Variants in TRIM33 observed in about 807,000 individuals in gnomAD.
TRIM33 encodes E3 ubiquitin-protein ligase TRIM33.
Under a neutral mutation model 125.4 loss-of-function variants are expected in TRIM33, and 20 were observed. The observed-to-expected ratio is 0.16, with a 90% CI of 0.11 to 0.23. The LOEUF is 0.23. Ranked by LOEUF, TRIM33 falls within the 10% of genes least tolerant of loss-of-function variation. TRIM33 has a pLI of 1.00. For missense variants in TRIM33, 920 were observed against 1,411.4 expected (o/e 0.65, Z 5.58); for synonymous variants, 564 against 513.9 (o/e 1.10, Z -1.32).
chr1:114,461,865 T>G (rs940768387), intron 4 of TRIM33, among the ~76,000 whole-genome samples: 1 of 152,186 alleles, frequency 6.6e-6, no homozygotes, highest in Non-Finnish European at 1.5e-5. Context: ...TTAAGACATT[T>G]CTGAACAAAT....
Position 114,484,766 on chromosome 1 carries a change from G to A in TRIM33, c.527-20378C>T, listed in dbSNP as rs529645849. The stretch of plus-strand genomic sequence containing the variant: ...AGTAGTCCCAGTTACTCAGGAGGCT[G>A]AGGCAGGACAATTGCTTGATCCCAG... On this transcript the variant is annotated intron_variant, in intron 1 of 19. Coordinates refer to ENST00000358465, the MANE Select transcript of TRIM33 (RefSeq NM_015906.4). 1.7e-3 allele frequency among the ~76,000 whole-genome samples: 252 copies of A among 152,306 alleles called. 1 individual carries two copies. The highest frequency in any genetic ancestry group is 7.5e-3 in the South Asian group (36 of 4,828).
chr1:114,480,732 G>C (rs1328563830), intron 1 of TRIM33, among the ~76,000 whole-genome samples: 5 of 152,044 alleles, frequency 3.3e-5, no homozygotes, highest in South Asian at 2.1e-4. Context: ...ATGAAAAGAA[G>C]AGATTGTCAA....
At chr1:114,398,931 C>CAAAAA (rs1243055112) in intron 18 of TRIM33, among the ~76,000 whole-genome samples, 7 of 139,494 alleles carry the variant, frequency 5.0e-5, no homozygotes, top group African/African-American at 7.9e-5. Flanking sequence ...CAAAACAAAA[C>CAAAAA]AAAAAACAAA....
chr1:114,421,568 C>G lies in TRIM33; in HGVS notation c.1929G>C (p.Thr643=). The G allele has an allele frequency of 6.2e-7, 1 of 1,613,954 alleles. No individual in the cohort carries two copies. Among genetic ancestry groups the G allele is most frequent in the Non-Finnish European group, 8.5e-7 (1 of 1,180,002 alleles). ...TTGCCATAGTTGCTGTAGTAGGGCT[C>G]GTTGGGTTGATTGTGGTGTTGTGTA... ...VSVHNTTINP[T]SPTTATMANA... Residue 643 remains threonine (T), a synonymous_variant, in exon 11 of 20, where the codon ACG becomes ACC. Coordinates refer to ENST00000358465, the MANE Select transcript of TRIM33 (RefSeq NM_015906.4).
chr1:114,462,888 T>C (rs1460035643), intron 4 of TRIM33, among the ~76,000 whole-genome samples: 3 of 152,218 alleles, frequency 2.0e-5, no homozygotes, highest in African/African-American at 4.8e-5. Context: ...TACAAAATGA[T>C]ACATTTTAAC....
At chr1:114,398,898 CAAAA>C (rs372853872) in intron 18 of TRIM33, among the ~76,000 whole-genome samples, 2 of 60,802 alleles carry the variant, frequency 3.3e-5, no homozygotes, top group Non-Finnish European at 6.4e-5. Flanking sequence ...AACTTACCCT[CAAAA>C]AAAAAAAAAA....
Position 114,427,740 on chromosome 1 carries a change from T to C in TRIM33, c.1302+8A>G, listed in dbSNP as rs773617844. ...ATTAAAGAAAAATAAAAACAGTATG[T>C]GTCTCACCAGTCGCTTGCTGTATAG... On this transcript the variant is annotated splice_region_variant and intron_variant, in intron 7 of 19. Coordinates refer to ENST00000358465, the MANE Select transcript of TRIM33 (RefSeq NM_015906.4). 6.2e-7 allele frequency: 1 copy of C among 1,612,496 alleles called. No individual in the cohort carries two copies. The highest frequency in any genetic ancestry group is 8.5e-7 in the Non-Finnish European group (1 of 1,179,060).
intron 16 of TRIM33, among the ~76,000 whole-genome samples, chr1:114,402,434 G>T (rs1651955338): frequency 6.6e-6 from 1 of 152,116 alleles, no homozygotes; most frequent in Non-Finnish European, 1.5e-5. Flanking sequence ...AGAAATGAAT[G>T]GTGGTATCAT....
chr1:114,506,990 T>A (rs1653041412), intron 1 of TRIM33, among the ~76,000 whole-genome samples: 1 of 152,238 alleles, frequency 6.6e-6, no homozygotes, highest in Admixed American at 6.5e-5. Flanking sequence ...AGCTCTCTAG[T>A]GATTCTTATT....
At chr1:114,401,776 G>GTAAA (rs879877180) in intron 16 of TRIM33, among the ~76,000 whole-genome samples, 2 of 152,150 alleles carry the variant, frequency 1.3e-5, no homozygotes, top group Non-Finnish European at 2.9e-5. Flanking sequence ...AAATAAATAA[G>GTAAA]TAAATAAATT....
chr1:114,450,954 G>C (rs916872765), intron 4 of TRIM33, among the ~76,000 whole-genome samples: 1 of 151,956 alleles, frequency 6.6e-6, no homozygotes, highest in Non-Finnish European at 1.5e-5. Flanking sequence ...GCTGGAACTC[G>C]TAATTTTTTT....
chr1:114,502,163 G>C (rs1652757403), intron 1 of TRIM33, among the ~76,000 whole-genome samples: 1 of 152,160 alleles, frequency 6.6e-6, no homozygotes, highest in South Asian at 2.1e-4. Context: ...TTTTACTAAA[G>C]GGAGGCTTTT....
chr1:114,491,047 G>A (rs1326897066), intron 1 of TRIM33, among the ~76,000 whole-genome samples: 1 of 152,160 alleles, frequency 6.6e-6, no homozygotes, highest in African/African-American at 2.4e-5. Context: ...AATTGGTAGA[G>A]GGTTTCTTTT....
chr1:114,442,545 G>A (rs563030321), intron 4 of TRIM33, among the ~76,000 whole-genome samples: 9 of 151,798 alleles, frequency 5.9e-5, no homozygotes, highest in East Asian at 1.9e-4. Context: ...AAAATTAGCC[G>A]AACGTGGTGG....
intron 4 of TRIM33, among the ~76,000 whole-genome samples, chr1:114,443,540 A>C (rs1648791169): frequency 6.6e-6 from 1 of 152,162 alleles, no homozygotes; most frequent in African/African-American, 2.4e-5. Flanking sequence ...CCCTGATGAA[A>C]AGCTATTTCT....
At chr1:114,487,659 A>G (rs1200282498) in intron 1 of TRIM33, among the ~76,000 whole-genome samples, 1 of 151,706 alleles carries the variant, frequency 6.6e-6, no homozygotes, top group Non-Finnish European at 1.5e-5. Context: ...GCACTTTGGG[A>G]GGCCGAGGCG....
chr1:114,430,211 C>T (rs6692002), intron 6 of TRIM33, among the ~76,000 whole-genome samples: 53,475 of 151,704 alleles, frequency 0.35, 10,090 homozygotes, highest in African/African-American at 0.46. Context: ...TTTGCCTTTA[C>T]GTACATCACA....
intron 17 of TRIM33, among the ~76,000 whole-genome samples, chr1:114,401,030 TTTTTTTTTTTTTC>T (rs1457757453): frequency 1.6e-5 from 2 of 128,884 alleles, no homozygotes; most frequent in African/African-American, 7.0e-5. Context: ...GCCATACTCT[TTTTTTTTTTTTTC>T]TTTTTTTTTT....
intron 6 of TRIM33, among the ~76,000 whole-genome samples, chr1:114,429,531 G>T (rs1033737806): frequency 6.6e-6 from 1 of 151,588 alleles, no homozygotes; most frequent in African/African-American, 2.4e-5. Flanking sequence ...TCACTGGAAA[G>T]ATGTATTCCA....
Sources: gnomAD v4.1 joint callset for allele counts (sites outside exome capture counted in the v4.1 genomes callset) on GRCh38, gnomAD v4.1.1 for gene constraint, MANE v1.5 for transcripts, NCBI Gene and HGNC (gene_info 2026-07-23, HGNC 2026-07-21) for gene names.